NRG4: variants seen among roughly 807,000 people sequenced by gnomAD.
NRG4 encodes the protein neuregulin 4, also known as pro-neuregulin-4, membrane-bound isoform.
In NRG4, 10 loss-of-function variants were observed where a neutral mutation model predicts 15.0. The observed-to-expected ratio is 0.67, with a 90% confidence interval of 0.41 to 1.13. The LOEUF (loss-of-function observed/expected upper bound fraction) is 1.13. Among genes scored for constraint, NRG4 ranks in the 50% most tolerant of loss-of-function variants. The probability of loss-of-function intolerance (pLI) is 0.00; values close to 1 mark genes in which losing one functional copy is unlikely to be tolerated. For synonymous variants in NRG4, 41 were observed against 50.1 expected, an observed-to-expected ratio of 0.82 and a Z score of 0.77; for missense variants, 139 against 140.2, an observed-to-expected ratio of 0.99 and a Z score of 0.04.
chr15:76,012,840 A>C (rs1433452694), upstream of NRG4, among the ~76,000 whole-genome samples: 2 of 152,224 alleles, frequency 1.3e-5, no homozygotes, highest in African/African-American at 2.4e-5. Flanking sequence ...TTATAAAGCT[A>C]AAAGAAGGTA....
intron 4 of NRG4, among the ~76,000 whole-genome samples, chr15:76,047,654 G>T (rs2035904388): frequency 6.6e-6 from 1 of 150,502 alleles, no homozygotes; most frequent in Non-Finnish European, 1.5e-5. Context: ...GTGAAAAAAG[G>T]AATATAAATG....
intron 4 of NRG4, among the ~76,000 whole-genome samples, chr15:76,044,146 C>T (rs1202953379): frequency 2.6e-5 from 4 of 151,422 alleles, no homozygotes; most frequent in South Asian, 4.1e-4. Flanking sequence ...TACAAGCGCC[C>T]GCCACCGCGC....
intron 3 of NRG4, among the ~76,000 whole-genome samples, chr15:75,995,241 T>C (rs2034170919): frequency 1.3e-5 from 2 of 151,892 alleles, no homozygotes; most frequent in African/African-American, 4.8e-5. Context: ...CAGTTTATCT[T>C]GGCTCATGCT....
chr15:76,055,839 T>C (rs1399087996), intron 2 of NRG4, among the ~76,000 whole-genome samples: 5 of 152,206 alleles, frequency 3.3e-5, no homozygotes, highest in Non-Finnish European at 7.3e-5. Context: ...AACAGACTTT[T>C]AGTGGGTTTA....
chr15:76,029,521 A>G (rs1259047078), intron 5 of NRG4, among the ~76,000 whole-genome samples: 1 of 152,230 alleles, frequency 6.6e-6, no homozygotes, highest in African/African-American at 2.4e-5. Context: ...TCTTCTATAT[A>G]GGAAAACCTA....
rs1198492595 is a variant in NRG4, at chr15:75,977,104, C to T, written c.105-15130G>A. On this transcript the variant is annotated intron_variant, in intron 3 of 5. Coordinates refer to ENST00000394907, the MANE Select transcript of NRG4 (RefSeq NM_138573.4). The surrounding 1 kb of genome is among the most constrained non-coding windows in gnomAD (Gnocchi z 4.9). Reference sequence around the variant, plus strand: ...TGTGGTGGGCTCTGCCCTGTCCAAACTTCCCAGCAGTTTTGTTTACACTAT... The same window carrying T: ...TGTGGTGGGCTCTGCCCTGTCCAAATTTCCCAGCAGTTTTGTTTACACTAT... 6.6e-6 allele frequency among the ~76,000 whole-genome samples: 1 copy of T among 152,214 alleles called. No individual in the cohort carries two copies. Among genetic ancestry groups the T allele is most frequent in the Non-Finnish European group, 1.5e-5 (1 of 68,036 alleles).
intron 5 of NRG4, among the ~76,000 whole-genome samples, chr15:75,947,095 G>A (rs2031574872): frequency 6.6e-6 from 1 of 152,176 alleles, no homozygotes; most frequent in South Asian, 2.1e-4. Flanking sequence ...CATTCGCATT[G>A]TAGTCCAGCT....
At chr15:75,966,586 T>C (rs754769190) in intron 3 of NRG4, among the ~76,000 whole-genome samples, 13 of 152,112 alleles carry the variant, frequency 8.5e-5, no homozygotes, top group African/African-American at 1.7e-4. Flanking sequence ...AAAAACCCCA[T>C]GTTTACAATA....
chr15:76,051,644 A>G (rs963068822), intron 4 of NRG4, among the ~76,000 whole-genome samples: 32 of 149,288 alleles, frequency 2.1e-4, no homozygotes, highest in South Asian at 6.3e-4. Flanking sequence ...GCTCACTGCA[A>G]GCTCCGCCTC....
At chr15:75,947,935 T>C (rs1012143716) in intron 5 of NRG4, among the ~76,000 whole-genome samples, 2 of 152,226 alleles carry the variant, frequency 1.3e-5, no homozygotes, top group Non-Finnish European at 2.9e-5. Context: ...TTCATGTGCT[T>C]ATTGGCCATC....
chr15:75,946,900 G>A (rs2031560113), intron 5 of NRG4, among the ~76,000 whole-genome samples: 1 of 152,114 alleles, frequency 6.6e-6, no homozygotes. Flanking sequence ...CCTTTTTAAA[G>A]CTAAATAATA....
At chr15:75,947,490 T>A (rs1450554806) in intron 5 of NRG4, among the ~76,000 whole-genome samples, 3 of 152,222 alleles carry the variant, frequency 2.0e-5, no homozygotes, top group African/African-American at 7.2e-5. Context: ...CTTTCTCCTT[T>A]GCAATAATAT....
chr15:76,028,920 A>C (rs890001026), intron 5 of NRG4, among the ~76,000 whole-genome samples: 10 of 151,644 alleles, frequency 6.6e-5, no homozygotes, highest in African/African-American at 1.5e-4. Flanking sequence ...AAAAAAAAAA[A>C]AAAAAAACTG....
intron 5 of NRG4, among the ~76,000 whole-genome samples, chr15:76,028,595 TAA>T (rs57381862): frequency 7.1e-6 from 1 of 141,012 alleles, no homozygotes. Context: ...TCAAACTGTT[TAA>T]AAAAAAAAAA....
At chr15:76,032,538 G>A (rs2035499181) in intron 5 of NRG4, among the ~76,000 whole-genome samples, 1 of 152,198 alleles carries the variant, frequency 6.6e-6, no homozygotes, top group Non-Finnish European at 1.5e-5. Context: ...GTCAGTATGT[G>A]AATAAATAAC....
intron 3 of NRG4, among the ~76,000 whole-genome samples, chr15:75,997,372 G>C (rs1420456863): frequency 6.6e-6 from 1 of 151,840 alleles, no homozygotes; most frequent in Non-Finnish European, 1.5e-5. Flanking sequence ...TTTAGTGATT[G>C]AAATTTCCAA....
intron 4 of NRG4, among the ~76,000 whole-genome samples, chr15:76,042,528 A>T (rs756489894): frequency 2.6e-5 from 4 of 152,118 alleles, no homozygotes; most frequent in Non-Finnish European, 5.9e-5. Context: ...TACTGTGAGC[A>T]ACTACATGCC....
intron 3 of NRG4, among the ~76,000 whole-genome samples, chr15:76,007,461 G>A (rs1013941010): frequency 3.7e-5 from 5 of 135,810 alleles, no homozygotes; most frequent in Admixed American, 3.3e-4. Context: ...ACGGAGTCTC[G>A]CTCTGTCGCC....
chr15:76,028,686 G>C (rs1331525079), intron 5 of NRG4, among the ~76,000 whole-genome samples: 1 of 151,808 alleles, frequency 6.6e-6, no homozygotes, highest in Admixed American at 6.6e-5. Context: ...GATCACTTAA[G>C]GCCAGGAGTT....
Sources: gnomAD v4.1 joint callset for allele counts (sites outside exome capture counted in the v4.1 genomes callset) on GRCh38, gnomAD v4.1.1 for gene constraint, Gnocchi (gnomAD v3.1) non-coding constraint, MANE v1.5 for transcripts, NCBI Gene and HGNC (gene_info 2026-07-23, HGNC 2026-07-21) for gene names.